Variants in RP1 observed in about 807,000 individuals in gnomAD.
The protein encoded by RP1 is RP1 axonemal microtubule associated, also known as oxygen-regulated protein 1.
A neutral mutation model predicts 14.8 loss-of-function variants in RP1; 16 were observed. That is an observed-to-expected ratio of 1.08 (90% CI 0.73 to 1.65). The LOEUF is 1.65. Ranked by LOEUF, RP1 falls within the 40% of genes most tolerant of loss-of-function variation. RP1 has a pLI of 0.00. For missense variants in RP1, 2,631 were observed against 2,535.0 expected, an observed-to-expected ratio of 1.04 and a Z score of -0.81; for synonymous variants, 876 against 883.6, an observed-to-expected ratio of 0.99 and a Z score of 0.15.
upstream of RP1, among the ~76,000 whole-genome samples, chr8:54,613,968 T>C (rs1380342922): frequency 1.3e-5 from 2 of 152,210 alleles, no homozygotes; most frequent in Non-Finnish European, 2.9e-5. Context: ...AAGATAAACA[T>C]GGCAAAAATA....
downstream of RP1, among the ~76,000 whole-genome samples, chr8:54,635,554 A>G (rs1806330527): frequency 6.6e-6 from 1 of 152,156 alleles, no homozygotes; most frequent in African/African-American, 2.4e-5. Flanking sequence ...ATATTCATAT[A>G]TATATTTATA....
At chr8:54,605,591 C>G (rs992993015) in intron 1 of RP1, among the ~76,000 whole-genome samples, 3 of 151,976 alleles carry the variant, frequency 2.0e-5, no homozygotes, top group South Asian at 2.1e-4. Context: ...TCCTGGATAT[C>G]CTTGTTAACT....
At chr8:54,748,309 T>G (rs991375684) in intron 19 of RP1, among the ~76,000 whole-genome samples, 2 of 152,220 alleles carry the variant, frequency 1.3e-5, no homozygotes, top group Non-Finnish European at 2.9e-5. Context: ...AAAAATAGTT[T>G]GTTTTTGAAG....
At position 54,790,627 on chromosome 8, in the gene RP1, A is replaced by G. The variant is rs146301526; in HGVS notation, c.3615+6917A>G. On this transcript the variant is annotated intron_variant, in intron 24 of 28. Transcript: ENST00000637698. ...TAAGCAACACATGATCAAAACTATT[A>G]TAGAAGTTCAACAAGGACATAGAAA... Among the ~76,000 whole-genome samples, 581 of 152,208 alleles carry G rather than the reference A, an allele frequency of 3.8e-3. 3 individuals carry two copies. The highest frequency in any genetic ancestry group is 6.3e-3 in the Non-Finnish European group (431 of 68,014).
chr8:54,726,452 A>T, exon 17 of RP1: 5 of 1,534,710 alleles, frequency 3.3e-6, no homozygotes, highest in Non-Finnish European at 4.4e-6. Context: ...TGAGGCTAGG[A>T]GTCCCTTACC....
In RP1 at chr8:54,846,291, T is replaced by C. The variant is rs538550719; in HGVS notation, c.3836-6283T>C. Among the ~76,000 whole-genome samples the C allele has an allele frequency of 2.0e-5, 3 of 152,356 alleles. No individual in the cohort carries two copies. The South Asian group carries it at 6.2e-4, about 32-fold the overall frequency. ...GCCATCTTTCTAGACATGGTCCAGGTTACTGCTATATCTGCATTGTTTTCA... is the reference window on the plus strand; with the variant it reads ...GCCATCTTTCTAGACATGGTCCAGGCTACTGCTATATCTGCATTGTTTTCA... On this transcript the variant is annotated intron_variant, in intron 25 of 28. Transcript: ENST00000637698.
Position 54,629,375 on chromosome 8 carries a change from T to C in RP1, c.5493T>C (p.His1831=). ...ATGGTAGTGACTCAGAACCTTTTCA[T>C]GAGGACTTGCTGGATGTTCGCAATG... ...MPHGSDSEPF[H]EDLLDVRNET... Residue 1831 remains histidine, a synonymous_variant, in exon 4 of 4, where the codon CAT becomes CAC. Coordinates refer to ENST00000220676, the MANE Select transcript of RP1 (RefSeq NM_006269.2). The C allele has an allele frequency of 1.9e-6, 3 of 1,614,138 alleles. No homozygotes were observed. Among genetic ancestry groups the C allele is most frequent in the Non-Finnish European group, 2.5e-6 (3 of 1,179,984 alleles).
chr8:54,800,542 T>C (rs1177946406), intron 24 of RP1, among the ~76,000 whole-genome samples: 1 of 152,158 alleles, frequency 6.6e-6, no homozygotes, highest in African/African-American at 2.4e-5. Context: ...GGATGCTCTG[T>C]TCTATTATTT....
intron 22 of RP1, among the ~76,000 whole-genome samples, chr8:54,763,390 A>G (rs570194189): frequency 6.8e-4 from 104 of 152,334 alleles, no homozygotes; most frequent in African/African-American, 2.3e-3. Flanking sequence ...TGCAGAAGCA[A>G]GTTATTTGAA....
At chr8:54,673,162 T>C (rs1343941888) in intron 7 of RP1, among the ~76,000 whole-genome samples, 3 of 152,230 alleles carry the variant, frequency 2.0e-5, no homozygotes, top group East Asian at 1.9e-4. Flanking sequence ...GTGCGTCAAC[T>C]ATCTTATCTG....
intron 5 of RP1, among the ~76,000 whole-genome samples, chr8:54,654,711 G>A (rs894630803): frequency 6.6e-6 from 1 of 152,110 alleles, no homozygotes; most frequent in Admixed American, 6.5e-5. Context: ...CCAGTAGCAC[G>A]ATCATGGCTC....
intron 1 of RP1, among the ~76,000 whole-genome samples, chr8:54,589,089 C>T (rs1262200752): frequency 3.9e-5 from 6 of 152,118 alleles, no homozygotes; most frequent in African/African-American, 7.2e-5. Context: ...AGATAGATGT[C>T]TAGGATCAGA....
intron 1 of RP1, among the ~76,000 whole-genome samples, chr8:54,587,405 G>A (rs949332073): frequency 1.1e-4 from 16 of 143,326 alleles, no homozygotes; most frequent in Non-Finnish European, 1.6e-4. Flanking sequence ...CAGCCTAGCT[G>A]ACAGAGTGAG....
chr8:54,585,785 G>A (rs944729126), intron 1 of RP1, among the ~76,000 whole-genome samples: 9 of 152,036 alleles, frequency 5.9e-5, no homozygotes, highest in African/African-American at 2.2e-4. Context: ...CCTGTTGATC[G>A]AATCGGCTAC....
chr8:54,665,660 G>T (rs1806999618), intron 7 of RP1, among the ~76,000 whole-genome samples: 1 of 152,122 alleles, frequency 6.6e-6, no homozygotes, highest in African/African-American at 2.4e-5. Context: ...GCTGTTTGTT[G>T]CTCCCAAGAG....
intron 1 of RP1, among the ~76,000 whole-genome samples, chr8:54,587,720 G>A (rs760204861): frequency 3.3e-5 from 5 of 152,148 alleles, no homozygotes; most frequent in African/African-American, 4.8e-5. Flanking sequence ...AAAATTAGAC[G>A]GGACAAACCC....
chr8:54,667,101 A>T (rs187592841), intron 7 of RP1, among the ~76,000 whole-genome samples: 20 of 152,154 alleles, frequency 1.3e-4, no homozygotes, highest in Admixed American at 1.3e-3. Flanking sequence ...AGGTGCAGAC[A>T]TGCCACCTTT....
intron 28 of RP1, among the ~76,000 whole-genome samples, chr8:54,869,256 A>G (rs2129330965): frequency 6.6e-6 from 1 of 152,334 alleles, no homozygotes; most frequent in South Asian, 2.1e-4. Flanking sequence ...ACATATGTCT[A>G]CTGAACTGTG....
chr8:54,622,978 A>C (rs549852567), intron 3 of RP1, among the ~76,000 whole-genome samples: 2 of 152,332 alleles, frequency 1.3e-5, no homozygotes, highest in Admixed American at 1.3e-4. Context: ...CAGGGAAGAC[A>C]AGCTCTTTGC....
Sources: gnomAD v4.1 joint callset for allele counts (sites outside exome capture counted in the v4.1 genomes callset) on GRCh38, gnomAD v4.1.1 for gene constraint, MANE v1.5 for transcripts, NCBI Gene and HGNC (gene_info 2026-07-23, HGNC 2026-07-21) for gene names.